AHCYL2: variants seen among roughly 807,000 people sequenced by gnomAD.
AHCYL2 encodes the protein S-adenosylhomocysteine hydrolase-like protein 2.
AHCYL2 carries 28 observed loss-of-function variants against 81.4 expected under a neutral mutation model. The observed-to-expected ratio is 0.34, with a 90% CI of 0.25 to 0.47. The LOEUF (loss-of-function observed/expected upper bound fraction) is 0.47, where lower values mean the gene tolerates loss of function less well. Among genes scored for constraint, AHCYL2 ranks in the 20% least tolerant of loss-of-function variants. The probability of loss-of-function intolerance (pLI) is 1.00; values close to 1 mark genes in which losing one functional copy is unlikely to be tolerated. For synonymous variants in AHCYL2, 272 were observed against 290.2 expected (o/e 0.94, Z 0.64); for missense variants, 551 against 785.1 (o/e 0.70, Z 3.56).
chr7:129,329,084 A>G (rs188051107), intron 1 of AHCYL2, among the ~76,000 whole-genome samples: 1 of 152,378 alleles, frequency 6.6e-6, no homozygotes, highest in Admixed American at 6.5e-5. Context: ...ATGGTCAACC[A>G]AATGAGAGAA....
chr7:129,270,298 G>GAGAT (rs1163653971), intron 1 of AHCYL2, among the ~76,000 whole-genome samples: 1 of 152,172 alleles, frequency 6.6e-6, no homozygotes, highest in Non-Finnish European at 1.5e-5. Context: ...CCAGAGTACA[G>GAGAT]AGATACTCAG....
chr7:129,291,515 T>C (rs1796860451), intron 1 of AHCYL2, among the ~76,000 whole-genome samples: 1 of 79,986 alleles, frequency 1.3e-5, no homozygotes, highest in African/African-American at 3.6e-5. Flanking sequence ...ACCCGAGACC[T>C]TTTTTTTTTT....
intron 1 of AHCYL2, among the ~76,000 whole-genome samples, chr7:129,303,888 C>T (rs2150766410): frequency 6.6e-6 from 1 of 151,982 alleles, no homozygotes; most frequent in East Asian, 1.9e-4. Flanking sequence ...AGTTCCAGAC[C>T]AGCCTAGGCA....
chr7:129,281,086 A>G (rs1327822204), intron 1 of AHCYL2, among the ~76,000 whole-genome samples: 1 of 151,930 alleles, frequency 6.6e-6, no homozygotes, highest in Non-Finnish European at 1.5e-5. Context: ...GATGGTCTCG[A>G]TCTCCTGACC....
intron 1 of AHCYL2, among the ~76,000 whole-genome samples, chr7:129,317,808 C>T (rs1797877809): frequency 1.3e-5 from 2 of 152,104 alleles, no homozygotes; most frequent in African/African-American, 4.8e-5. Context: ...CAAGGTTCAC[C>T]AAGTTTTAAT....
intron 1 of AHCYL2, among the ~76,000 whole-genome samples, chr7:129,260,858 T>G (rs146158187): frequency 3.3e-3 from 507 of 152,190 alleles, no homozygotes; most frequent in African/African-American, 0.012. Flanking sequence ...GCACGATCTC[T>G]GCTCACTGCA....
At position 129,372,698 on chromosome 7, in the gene AHCYL2, C is replaced by A. The variant is rs377470334; in HGVS notation, c.364-6940C>A. 5.3e-5 allele frequency among the ~76,000 whole-genome samples: 8 copies of A among 152,142 alleles called. No individual in the cohort carries two copies. The East Asian group carries it at 1.5e-3, about 29-fold the overall frequency. Reference sequence around the variant, plus strand: ...CATGGTTGGTGTGCTCCTGTAATCGCAGCTACTCAGGAGGCTGAGGCAAGA... The same window carrying A: ...CATGGTTGGTGTGCTCCTGTAATCGAAGCTACTCAGGAGGCTGAGGCAAGA... On this transcript the variant is annotated intron_variant, in intron 1 of 16. Coordinates refer to ENST00000325006, the MANE Select transcript of AHCYL2 (RefSeq NM_015328.4).
rs1252242368 is a variant in AHCYL2 at position 129,426,345 on chromosome 7, G to A, written c.1709-98G>A. On this transcript the variant is annotated intron_variant, in intron 15 of 16. Transcript: ENST00000325006. The surrounding 1 kb of genome is among the most constrained non-coding windows in gnomAD (Gnocchi z 4.3). ...ATTTTTCATTCAGCTCCAGGAATTA[G>A]AAGGTGTCTTTGAACTTTTTAAGGC... is the stretch of plus-strand genomic sequence containing the variant. 1.3e-6 allele frequency: 2 copies of A among 1,567,456 alleles called. No individual in the cohort carries two copies. The highest frequency in any genetic ancestry group is 1.8e-6 in the Non-Finnish European group (2 of 1,139,408).
chr7:129,276,327 T>C (rs542637095), intron 1 of AHCYL2, among the ~76,000 whole-genome samples: 83 of 151,698 alleles, frequency 5.5e-4, no homozygotes, highest in Non-Finnish European at 7.4e-4. Context: ...TACATGCTTA[T>C]ATTAGAAAAA....
At chr7:129,315,277 T>C (rs1329438051) in intron 1 of AHCYL2, among the ~76,000 whole-genome samples, 1 of 152,232 alleles carries the variant, frequency 6.6e-6, no homozygotes. Flanking sequence ...ATTGCTTGCA[T>C]GATCAAGTTC....
chr7:129,358,316 C>T (rs185487916), intron 1 of AHCYL2, among the ~76,000 whole-genome samples: 2 of 151,816 alleles, frequency 1.3e-5, no homozygotes, highest in Non-Finnish European at 2.9e-5. Context: ...GGCGTGAACC[C>T]GGGAGGCGGG....
At chr7:129,280,392 C>T (rs1458889061) in intron 1 of AHCYL2, among the ~76,000 whole-genome samples, 2 of 151,982 alleles carry the variant, frequency 1.3e-5, no homozygotes, top group African/African-American at 2.4e-5. Flanking sequence ...TGGTCTGGAA[C>T]TCCTGACCTG....
chr7:129,370,094 A>T (rs1467846934), intron 1 of AHCYL2, among the ~76,000 whole-genome samples: 24 of 152,212 alleles, frequency 1.6e-4, no homozygotes, highest in Admixed American at 1.6e-3. Flanking sequence ...AATATTACAG[A>T]AGAATTCTAC....
At chr7:129,363,215 A>G (rs1364597746) in intron 1 of AHCYL2, among the ~76,000 whole-genome samples, 1 of 152,166 alleles carries the variant, frequency 6.6e-6, no homozygotes. Flanking sequence ...GTTAAGGGTA[A>G]TATAATCATA....
intron 1 of AHCYL2, among the ~76,000 whole-genome samples, chr7:129,303,822 C>T (rs1797334363): frequency 6.6e-6 from 1 of 152,150 alleles, no homozygotes; most frequent in South Asian, 2.1e-4. Flanking sequence ...TGGTGGCTCA[C>T]ACCTGTAATC....
chr7:129,300,859 G>A (rs1797234839), intron 1 of AHCYL2, among the ~76,000 whole-genome samples: 1 of 152,072 alleles, frequency 6.6e-6, no homozygotes, highest in African/African-American at 2.4e-5. Flanking sequence ...TTTTGAGATG[G>A]AGTCTCACTC....
intron 3 of AHCYL2, 45 bp from the exon 4 acceptor site, chr7:129,389,587 CTT>C (rs1160691798): frequency 6.9e-7 from 1 of 1,450,832 alleles, no homozygotes; most frequent in East Asian, 2.3e-5. Flanking sequence ...TCTTTTATCT[CTT>C]ATTCCTTCTT....
intron 1 of AHCYL2, among the ~76,000 whole-genome samples, chr7:129,319,125 T>G (rs1257554809): frequency 6.6e-6 from 1 of 152,084 alleles, no homozygotes; most frequent in African/African-American, 2.4e-5. Context: ...ACAGATAGTT[T>G]AGAAGAAATG....
chr7:129,272,846 G>A (rs1056169269), intron 1 of AHCYL2, among the ~76,000 whole-genome samples: 2 of 152,148 alleles, frequency 1.3e-5, no homozygotes, highest in African/African-American at 4.8e-5. Context: ...GAATGGTTGT[G>A]TTATTATAGA....
Sources: allele counts gnomAD v4.1 joint callset (sites outside exome capture counted in the v4.1 genomes callset), GRCh38; gene constraint gnomAD v4.1.1; non-coding constraint Gnocchi (gnomAD v3.1); transcripts MANE v1.5; gene names NCBI Gene and HGNC (gene_info 2026-07-23, HGNC 2026-07-21).